The following NALF1 variants were observed in gnomAD, a reference collection of about 807,000 sequenced individuals.
NALF1 encodes the protein family with sequence similarity 155 member A.
Under a neutral mutation model 48.4 loss-of-function variants are expected in NALF1, and 3 were observed. That is an observed-to-expected ratio of 0.06 (90% confidence interval 0.03 to 0.16). NALF1 has a LOEUF of 0.16. Ranked by LOEUF, NALF1 falls within the 10% of genes least tolerant of loss-of-function variation. NALF1 has a pLI of 1.00. For missense variants in NALF1, 526 were observed against 571.5 expected, an observed-to-expected ratio of 0.92 and a Z score of 0.81; for synonymous variants, 262 against 245.7, an observed-to-expected ratio of 1.07 and a Z score of -0.62.
In NALF1 at chr13:107,163,569, A is replaced by G. The variant is rs1878600888; in HGVS notation, c.*6928T>C. On this transcript the variant is annotated 3_prime_UTR_variant, in exon 3 of 3. Coordinates refer to ENST00000375915, the MANE Select transcript of NALF1 (RefSeq NM_001080396.3). ...TATTTTAATAATTTTAGAAGTTGAAATTTAAGATCCAAGGCATTTCTTTAG... is the reference window on the plus strand; with the variant it reads ...TATTTTAATAATTTTAGAAGTTGAAGTTTAAGATCCAAGGCATTTCTTTAG... 6.6e-6 allele frequency: 1 copy of G among 152,192 alleles called. No individual in the cohort carries two copies. Among genetic ancestry groups the G allele is most frequent in the Non-Finnish European group, 1.5e-5 (1 of 68,038 alleles). The allele number at this position is 152,192 out of a possible 1,614,324, so 9.4% of individuals were successfully genotyped here.
Position 107,849,061 on chromosome 13 carries a change from C to T in NALF1, c.915+16621G>A, listed in dbSNP as rs79422324. On this transcript the variant is annotated intron_variant, in intron 1 of 2. Coordinates refer to ENST00000375915, the MANE Select transcript of NALF1 (RefSeq NM_001080396.3). ...GTTTACAACAACACCCATTTTATTG[C>T]GTTCTAGAATTTTGGTGGCTCAGGA... is the stretch of plus-strand genomic sequence containing the variant. Among the ~76,000 whole-genome samples the T allele has an allele frequency of 3.0e-3, 456 of 152,182 alleles. 2 individuals carry two copies. The highest frequency in any genetic ancestry group is 0.011 in the African/African-American group (445 of 41,514).
intron 1 of NALF1, among the ~76,000 whole-genome samples, chr13:107,688,516 G>C (rs951374109): frequency 3.3e-5 from 5 of 152,116 alleles, no homozygotes; most frequent in African/African-American, 1.2e-4. Flanking sequence ...TATAAAATGT[G>C]TCAGATGTGC....
intron 1 of NALF1, among the ~76,000 whole-genome samples, chr13:107,258,239 A>G (rs1451770163): frequency 6.6e-6 from 1 of 152,210 alleles, no homozygotes; most frequent in African/African-American, 2.4e-5. Flanking sequence ...TGATATTTTA[A>G]TAACTTCTAA....
At chr13:107,235,090 G>A (rs1796803789) in intron 1 of NALF1, among the ~76,000 whole-genome samples, 1 of 152,100 alleles carries the variant, frequency 6.6e-6, no homozygotes, top group African/African-American at 2.4e-5. Flanking sequence ...TTCTTTTTCT[G>A]TATAATTCTG....
chr13:107,822,923 G>A (rs1357798507), intron 1 of NALF1, among the ~76,000 whole-genome samples: 1 of 152,124 alleles, frequency 6.6e-6, no homozygotes, highest in Non-Finnish European at 1.5e-5. Flanking sequence ...TCATTTTTCT[G>A]AGAAAGTCTG....
At chr13:107,297,300 A>C (rs994082239) in intron 1 of NALF1, among the ~76,000 whole-genome samples, 3 of 152,306 alleles carry the variant, frequency 2.0e-5, no homozygotes, top group Admixed American at 2.0e-4. Flanking sequence ...GTTTGCTAGA[A>C]TGTTTTAGTG....
rs1425910777 is a variant in NALF1, at chr13:107,532,674, T to C, written c.916-321919A>G. Among the ~76,000 whole-genome samples the C allele has an allele frequency of 2.6e-5, 4 of 152,120 alleles. No homozygotes were observed. The South Asian group carries it at 6.2e-4, about 24-fold the overall frequency. Reference sequence around the variant, plus strand: ...ATTTCAAATATTTGAGAATCTCTTATAGACCTCATTTCAACTTTAATTTTT... The same window carrying C: ...ATTTCAAATATTTGAGAATCTCTTACAGACCTCATTTCAACTTTAATTTTT... On this transcript the variant is annotated intron_variant, in intron 1 of 2. Coordinates refer to ENST00000375915, the MANE Select transcript of NALF1 (RefSeq NM_001080396.3).
chr13:107,684,496 G>A (rs1255396053), intron 1 of NALF1, among the ~76,000 whole-genome samples: 9 of 152,092 alleles, frequency 5.9e-5, no homozygotes, highest in Non-Finnish European at 1.3e-4. Context: ...GCTGCAGGAG[G>A]GATGAGTCCC....
At chr13:107,264,041 A>C (rs1409878953) in intron 1 of NALF1, among the ~76,000 whole-genome samples, 1 of 152,218 alleles carries the variant, frequency 6.6e-6, no homozygotes, top group Admixed American at 6.5e-5. Flanking sequence ...TGGTAGATTC[A>C]GATACAAATA....
intron 1 of NALF1, among the ~76,000 whole-genome samples, chr13:107,714,299 G>A (rs1228869424): frequency 6.6e-6 from 1 of 152,070 alleles, no homozygotes; most frequent in African/African-American, 2.4e-5. Context: ...ATCACTTGTT[G>A]GCCTCTGCTT....
intron 1 of NALF1, among the ~76,000 whole-genome samples, chr13:107,512,132 C>A (rs894451936): frequency 1.3e-5 from 2 of 152,200 alleles, no homozygotes; most frequent in African/African-American, 2.4e-5. Flanking sequence ...TCGTGGCTCA[C>A]GCCTGTAATC....
rs559626017 is a variant in NALF1, at chr13:107,443,186, A to G, written c.916-232431T>C. ...TATCTAACAATCTATCTATCTATCT[A>G]TCTATCTATCTATCTATCTATCTAT... On this transcript the variant is annotated intron_variant, in intron 1 of 2. Transcript: ENST00000375915. 1.2e-3 allele frequency among the ~76,000 whole-genome samples: 169 copies of G among 144,244 alleles called. 2 individuals are homozygous for G. Among genetic ancestry groups the G allele is most frequent in the African/African-American group, 4.6e-3 (158 of 34,326 alleles). 94.6% of individuals were successfully genotyped at this position (144,244 alleles called of 152,430 possible). A position where few individuals can be genotyped will look rare whatever the true frequency, so the allele number is the denominator to read the frequency against.
intron 1 of NALF1, among the ~76,000 whole-genome samples, chr13:107,237,619 A>G (rs971403453): frequency 3.9e-5 from 6 of 152,178 alleles, no homozygotes; most frequent in Non-Finnish European, 4.4e-5. Context: ...ATGTTACACT[A>G]TATTGTTTAG....
chr13:107,328,213 T>C (rs2138921114), intron 1 of NALF1, among the ~76,000 whole-genome samples: 1 of 151,854 alleles, frequency 6.6e-6, no homozygotes, highest in Non-Finnish European at 1.5e-5. Context: ...CCACAGTGCC[T>C]GGCTACTTTT....
Position 107,804,348 on chromosome 13 carries a change from C to T in NALF1, c.915+61334G>A, listed in dbSNP as rs1018963486. On this transcript the variant is annotated intron_variant, in intron 1 of 2. Transcript: ENST00000375915. ...GGAGACAGAGAGAAAAAGACAGACACGGTCCAGTTCTCATTCCTTCCCACT... is the reference window on the plus strand; with the variant it reads ...GGAGACAGAGAGAAAAAGACAGACATGGTCCAGTTCTCATTCCTTCCCACT... Among the ~76,000 whole-genome samples, 8 of 152,188 alleles carry T rather than the reference C, an allele frequency of 5.3e-5. No individual in the cohort carries two copies. In the East Asian group the frequency reaches 5.8e-4, roughly 11 times the overall value.
At chr13:107,559,148 G>A (rs1877567254) in intron 1 of NALF1, among the ~76,000 whole-genome samples, 1 of 152,178 alleles carries the variant, frequency 6.6e-6, no homozygotes. Flanking sequence ...CCCATGTGGA[G>A]GAGACGGCAG....
intron 1 of NALF1, among the ~76,000 whole-genome samples, chr13:107,484,097 C>A (rs909625767): frequency 3.9e-5 from 6 of 151,942 alleles, no homozygotes; most frequent in African/African-American, 1.5e-4. Flanking sequence ...TCCACCAGAT[C>A]ACTATAGCAC....
chr13:107,205,397 A>G (rs1879618819), intron 2 of NALF1, among the ~76,000 whole-genome samples: 1 of 152,134 alleles, frequency 6.6e-6, no homozygotes, highest in Non-Finnish European at 1.5e-5. Context: ...TGTGATCAAT[A>G]TGTAGATCAA....
intron 1 of NALF1, among the ~76,000 whole-genome samples, chr13:107,351,176 C>G (rs1469438844): frequency 2.0e-5 from 3 of 152,116 alleles, no homozygotes; most frequent in Non-Finnish European, 4.4e-5. Flanking sequence ...TTATGCAATA[C>G]GCGTCTCTGA....
Sources: allele counts gnomAD v4.1 joint callset (sites outside exome capture counted in the v4.1 genomes callset), GRCh38; gene constraint gnomAD v4.1.1; transcripts MANE v1.5; gene names NCBI Gene and HGNC (gene_info 2026-07-23, HGNC 2026-07-21).